The following XPO5 variants were observed in gnomAD, a reference collection of about 807,000 sequenced individuals.
XPO5 encodes exportin 5.
Under a neutral mutation model 160.6 loss-of-function variants are expected in XPO5, and 46 were observed. The observed-to-expected ratio is 0.29, with a 90% CI of 0.23 to 0.37. XPO5 has a LOEUF of 0.37. Ranked by LOEUF, XPO5 falls within the 10% of genes least tolerant of loss-of-function variation. The pLI is 1.00. For synonymous variants in XPO5, 537 were observed against 519.3 expected (o/e 1.03, Z -0.46); for missense variants, 1,090 against 1,463.9 (o/e 0.74, Z 4.17).
chr6:43,537,520 A>G (rs929593814), intron 20 of XPO5, among the ~76,000 whole-genome samples: 1 of 152,228 alleles, frequency 6.6e-6, no homozygotes, highest in Non-Finnish European at 1.5e-5. Flanking sequence ...GCGCAATAGC[A>G]GCCATAAACA....
intron 8 of XPO5, among the ~76,000 whole-genome samples, chr6:43,563,206 C>A (rs920118753): frequency 3.9e-5 from 6 of 152,206 alleles, no homozygotes; most frequent in Admixed American, 3.9e-4. Context: ...CTCACTGAAG[C>A]CTCAAACTAA....
chr6:43,537,548 C>T (rs1261749775), intron 20 of XPO5, among the ~76,000 whole-genome samples: 1 of 152,106 alleles, frequency 6.6e-6, no homozygotes, highest in Non-Finnish European at 1.5e-5. Flanking sequence ...AATGAATGGC[C>T]AAGGTATGTT....
At chr6:43,529,170 C>G in intron 23 of XPO5, 1 of 1,479,068 alleles carries the variant, frequency 6.8e-7, no homozygotes, top group Non-Finnish European at 9.1e-7. Context: ...GTCACTGGCC[C>G]AAAAAGTAGG....
intron 20 of XPO5, 42 bp downstream of exon 20, chr6:43,546,529 T>A: frequency 1.9e-6 from 3 of 1,560,232 alleles, no homozygotes; most frequent in Non-Finnish European, 2.6e-6. Context: ...ATTTTTAAGG[T>A]AAAGTAGAAA....
In XPO5 at chr6:43,567,430, C is replaced by T. The variant is rs1399161570; in HGVS notation, c.649-76G>A. The stretch of plus-strand genomic sequence containing the variant: ...GGAATCAGTGGTTATAACTGAACTC[C>T]CATTTTCTAATTCTAAGAAAATTAT... On this transcript the variant is annotated intron_variant, in intron 6 of 31. Coordinates refer to ENST00000265351, the MANE Select transcript of XPO5 (RefSeq NM_020750.3). 6.0e-6 allele frequency: 8 copies of T among 1,323,164 alleles called. No homozygotes were observed. In the East Asian group the frequency reaches 2.0e-4, roughly 33 times the overall value. The allele number at this position is 1,323,164 out of a possible 1,614,324, so 82.0% of individuals were successfully genotyped here. A position where few individuals can be genotyped will look rare whatever the true frequency, so the allele number is the denominator to read the frequency against.
At position 43,523,705 on chromosome 6, in the gene XPO5, G is replaced by C; in HGVS notation, c.*163C>G. The C allele has an allele frequency of 9.3e-7, 1 of 1,070,914 alleles. No homozygotes were observed. The highest frequency in any genetic ancestry group is 2.4e-5 in the East Asian group (1 of 42,376). 66.3% of individuals were successfully genotyped at this position (1,070,914 alleles called of 1,614,324 possible). A position where few individuals can be genotyped will look rare whatever the true frequency, so the allele number is the denominator to read the frequency against. On this transcript the variant is annotated 3_prime_UTR_variant, in exon 32 of 32. Coordinates refer to ENST00000265351, the MANE Select transcript of XPO5 (RefSeq NM_020750.3). ...TTGATACTTTAGTATAATTACTTCTGGTCCTGCACAGGGCCTGTTCTCTCC... is the reference window on the plus strand; with the variant it reads ...TTGATACTTTAGTATAATTACTTCTCGTCCTGCACAGGGCCTGTTCTCTCC...
intron 20 of XPO5, chr6:43,539,739 A>G (rs1296074691): frequency 1.6e-6 from 1 of 609,078 alleles, no homozygotes; most frequent in African/African-American, 1.9e-5. Flanking sequence ...ACATTTTTCT[A>G]TTCTTGGGAA....
At chr6:43,538,772 T>TC in intron 20 of XPO5, 1 of 347,850 alleles carries the variant, frequency 2.9e-6, no homozygotes, top group Non-Finnish European at 4.8e-6. Flanking sequence ...TACATTTTTC[T>TC]TTTTTTTTTT....
At chr6:43,575,123 C>T (rs1209048622) in intron 1 of XPO5, among the ~76,000 whole-genome samples, 2 of 152,126 alleles carry the variant, frequency 1.3e-5, no homozygotes, top group African/African-American at 4.8e-5. Flanking sequence ...AACCAAAGTG[C>T]CCTTGTTAAA....
At chr6:43,541,974 T>G (rs9472073) in intron 20 of XPO5, among the ~76,000 whole-genome samples, 2,783 of 152,158 alleles carry the variant, frequency 0.018, 99 homozygotes, top group African/African-American at 0.063. Flanking sequence ...GAGATGGGGT[T>G]TCACCATGTT....
intron 25 of XPO5, 138 bp downstream of exon 25, chr6:43,528,021 T>C (rs1020851796): frequency 8.5e-5 from 75 of 884,284 alleles, no homozygotes; most frequent in Non-Finnish European, 1.2e-4. Context: ...AGACAAGCCA[T>C]GTATCACCTA....
At chr6:43,567,898 T>G (rs1260877222) in intron 6 of XPO5, among the ~76,000 whole-genome samples, 2 of 149,192 alleles carry the variant, frequency 1.3e-5, no homozygotes, top group African/African-American at 4.9e-5. Context: ...TTTGCGTCAC[T>G]GTACTCTAGC....
At chr6:43,569,486 C>A (rs1435953597) in intron 5 of XPO5, among the ~76,000 whole-genome samples, 1 of 152,100 alleles carries the variant, frequency 6.6e-6, no homozygotes, top group Non-Finnish European at 1.5e-5. Flanking sequence ...ACCATCCCAG[C>A]ACTTTGGAAG....
intron 14 of XPO5, among the ~76,000 whole-genome samples, chr6:43,552,255 G>A (rs182273147): frequency 1.6e-4 from 24 of 151,548 alleles, no homozygotes; most frequent in East Asian, 7.8e-4. Flanking sequence ...ACAGGGTTTC[G>A]CCATGTTGAC....
At chr6:43,525,276 T>C in intron 28 of XPO5, 62 bp from the exon 29 acceptor site, 1 of 1,468,246 alleles carries the variant, frequency 6.8e-7, no homozygotes, top group Non-Finnish European at 9.2e-7. Flanking sequence ...CTGATGATTA[T>C]TACACATCAG....
At position 43,525,116 on chromosome 6, in the gene XPO5, G is replaced by T. The variant is rs760786709; in HGVS notation, c.3165C>A (p.Leu1055=). The change falls in exon 29 of 32, where the codon CTC becomes CTA. Residue 1055 remains leucine (L), a synonymous_variant. Coordinates refer to ENST00000265351, the MANE Select transcript of XPO5 (RefSeq NM_020750.3). ...GGGTGAATAACCATACTTGTTTGAGGAGAGGCCAGCAGAGCTGTGAGGTTG... is the reference window on the plus strand; with the variant it reads ...GGGTGAATAACCATACTTGTTTGAGTAGAGGCCAGCAGAGCTGTGAGGTTG... ...QRTTSQLCWP[L]LKQVLSGTLL... 2 of 1,575,186 alleles carry T rather than the reference G, an allele frequency of 1.3e-6. No homozygotes were observed.
chr6:43,536,158 T>TA (rs1214791702), intron 20 of XPO5, among the ~76,000 whole-genome samples: 1 of 151,462 alleles, frequency 6.6e-6, no homozygotes, highest in African/African-American at 2.4e-5. Flanking sequence ...CTCATGCCTG[T>TA]AATCCCAGCA....
intron 17 of XPO5, among the ~76,000 whole-genome samples, chr6:43,548,691 C>T (rs2127729682): frequency 6.6e-6 from 1 of 151,674 alleles, no homozygotes; most frequent in South Asian, 2.1e-4. Flanking sequence ...CTTTCCCATA[C>T]TACAACTGTG....
chr6:43,524,122 C>T lies in XPO5; in HGVS notation c.3478-117G>A, dbSNP rs112641641. 163 of 1,429,038 alleles carry T rather than the reference C, an allele frequency of 1.1e-4. 2 individuals are homozygous for T. The Middle Eastern group carries it at 2.1e-3, about 18-fold the overall frequency. The allele number at this position is 1,429,038 out of a possible 1,614,324, so 88.5% of individuals were successfully genotyped here. ...TCCCAACACTTTTGGGAGGCCAAGGCGGGTGGATCACCTGAGGTCAGGAGT... is the reference window on the plus strand; with the variant it reads ...TCCCAACACTTTTGGGAGGCCAAGGTGGGTGGATCACCTGAGGTCAGGAGT... On this transcript the variant is annotated intron_variant, in intron 31 of 31. Transcript: ENST00000265351.
Sources: allele counts gnomAD v4.1 joint callset (sites outside exome capture counted in the v4.1 genomes callset), GRCh38; gene constraint gnomAD v4.1.1; transcripts MANE v1.5; gene names NCBI Gene and HGNC (gene_info 2026-07-23, HGNC 2026-07-21).